The following DIAPH3 variants were observed in gnomAD, a reference collection of about 807,000 sequenced individuals.
DIAPH3 encodes protein diaphanous homolog 3.
Under a neutral mutation model 144.3 loss-of-function variants are expected in DIAPH3, and 117 were observed. That is an observed-to-expected ratio of 0.81 (90% CI 0.70 to 0.95). The LOEUF is 0.95. Among genes scored for constraint, DIAPH3 ranks in the 40% least tolerant of loss-of-function variants. The pLI is 0.00. For synonymous variants in DIAPH3, 519 were observed against 488.9 expected, an observed-to-expected ratio of 1.06 and a Z score of -0.81; for missense variants, 1,421 against 1,412.7, an observed-to-expected ratio of 1.01 and a Z score of -0.09.
chr13:59,867,223 G>T (rs1233675462), intron 21 of DIAPH3, among the ~76,000 whole-genome samples: 1 of 151,528 alleles, frequency 6.6e-6, no homozygotes, highest in Non-Finnish European at 1.5e-5. Flanking sequence ...GAGCCTGGGA[G>T]TTCAAGACTG....
chr13:60,088,552 C>T (rs778059077), intron 4 of DIAPH3, among the ~76,000 whole-genome samples: 7 of 152,126 alleles, frequency 4.6e-5, no homozygotes, highest in Admixed American at 2.0e-4. Flanking sequence ...CCCGGACAAA[C>T]CTGAAAGTAG....
intron 24 of DIAPH3, among the ~76,000 whole-genome samples, chr13:59,823,490 T>A (rs971772353): frequency 6.6e-6 from 1 of 152,216 alleles, no homozygotes; most frequent in South Asian, 2.1e-4. Context: ...ATAAGTCTTA[T>A]GTGAAAAGAC....
chr13:59,853,559 C>A (rs867739844), intron 22 of DIAPH3, among the ~76,000 whole-genome samples: 2 of 152,100 alleles, frequency 1.3e-5, no homozygotes, highest in Non-Finnish European at 2.9e-5. Context: ...GCTCCTTTGC[C>A]GTCTGCCATG....
intron 27 of DIAPH3, among the ~76,000 whole-genome samples, chr13:59,772,015 T>A (rs1348587610): frequency 6.6e-6 from 1 of 152,042 alleles, no homozygotes; most frequent in Non-Finnish European, 1.5e-5. Flanking sequence ...TATATACTTG[T>A]AGAAAATATA....
chr13:60,021,398 G>A (rs2054008510), intron 5 of DIAPH3, among the ~76,000 whole-genome samples: 1 of 152,218 alleles, frequency 6.6e-6, no homozygotes, highest in African/African-American at 2.4e-5. Context: ...GCTGAGGTGG[G>A]TGGATCACTT....
intron 27 of DIAPH3, among the ~76,000 whole-genome samples, chr13:59,771,056 A>G (rs2038091445): frequency 6.6e-6 from 1 of 152,162 alleles, no homozygotes; most frequent in Non-Finnish European, 1.5e-5. Context: ...CACTGAAGTT[A>G]GAATGCTTGA....
At chr13:59,988,953 T>C (rs2051616492) in intron 12 of DIAPH3, among the ~76,000 whole-genome samples, 1 of 151,866 alleles carries the variant, frequency 6.6e-6, no homozygotes, top group Non-Finnish European at 1.5e-5. Flanking sequence ...TCCATTTCTG[T>C]CAAACTTTCT....
At chr13:60,105,116 A>AAAAAAAAC (rs2058382891) in intron 3 of DIAPH3, among the ~76,000 whole-genome samples, 3 of 150,834 alleles carry the variant, frequency 2.0e-5, no homozygotes, top group Admixed American at 6.6e-5. Context: ...AAAAAAAAAA[A>AAAAAAAAC]AAAAAAAAAC....
At chr13:59,757,590 T>C (rs990308578) in intron 27 of DIAPH3, among the ~76,000 whole-genome samples, 5 of 151,812 alleles carry the variant, frequency 3.3e-5, no homozygotes, top group Admixed American at 6.6e-5. Context: ...TTAGTAGAGA[T>C]GGGGTTTCAC....
Position 60,044,960 on chromosome 13 carries a change from C to T in DIAPH3, c.496-2140G>A, listed in dbSNP as rs2055961220. ...TTGCCTGCTGCCATGTAAGATGTGA[C>T]TTTGCTCTTCCTTTGCCTTCTGCCA... On this transcript the variant is annotated intron_variant, in intron 4 of 27. Coordinates refer to ENST00000400324, the MANE Select transcript of DIAPH3 (RefSeq NM_001042517.2). Among the ~76,000 whole-genome samples the T allele has an allele frequency of 2.0e-5, 3 of 152,134 alleles. No homozygotes were observed. In the South Asian group the frequency reaches 6.2e-4, roughly 32 times the overall value.
chr13:59,776,022 A>G (rs1689365186), intron 25 of DIAPH3, among the ~76,000 whole-genome samples: 1 of 152,216 alleles, frequency 6.6e-6, no homozygotes, highest in Admixed American at 6.5e-5. Context: ...CCGTCCAGAC[A>G]AGGTAACTTG....
intron 24 of DIAPH3, among the ~76,000 whole-genome samples, chr13:59,829,306 G>A (rs989245650): frequency 2.0e-5 from 3 of 151,864 alleles, no homozygotes; most frequent in Non-Finnish European, 2.9e-5. Flanking sequence ...TTCTTCTATT[G>A]GGAGAGGGGT....
chr13:59,874,350 AAT>A (rs2044472846), intron 21 of DIAPH3, among the ~76,000 whole-genome samples: 1 of 152,242 alleles, frequency 6.6e-6, no homozygotes, highest in African/African-American at 2.4e-5. Context: ...AACATTAAAG[AAT>A]ATGAGAATTT....
At chr13:59,903,738 C>T (rs9570228) in intron 20 of DIAPH3, among the ~76,000 whole-genome samples, 8,930 of 152,096 alleles carry the variant, frequency 0.059, 415 homozygotes, top group East Asian at 0.28. Flanking sequence ...ATCAAAAATA[C>T]TCAAAATGAT....
intron 5 of DIAPH3, among the ~76,000 whole-genome samples, chr13:60,033,809 C>T (rs1320472208): frequency 6.6e-6 from 1 of 152,152 alleles, no homozygotes; most frequent in African/African-American, 2.4e-5. Context: ...GTACCTGTTC[C>T]TTTCAGACAT....
chr13:60,127,235 T>C (rs554064875), intron 2 of DIAPH3, among the ~76,000 whole-genome samples: 6 of 151,948 alleles, frequency 3.9e-5, no homozygotes, highest in Admixed American at 2.0e-4. Flanking sequence ...TTCAACAACA[T>C]AGATAAAATT....
At chr13:60,053,456 A>T (rs890817768) in intron 4 of DIAPH3, among the ~76,000 whole-genome samples, 1 of 152,138 alleles carries the variant, frequency 6.6e-6, no homozygotes, top group African/African-American at 2.4e-5. Context: ...ATAGAAAGAA[A>T]AGTACATAGA....
chr13:59,992,933 T>C (rs1265051705), intron 9 of DIAPH3, among the ~76,000 whole-genome samples: 1 of 150,390 alleles, frequency 6.6e-6, no homozygotes, highest in African/African-American at 2.4e-5. Flanking sequence ...AAATTGAACA[T>C]ATCCAATATA....
intron 27 of DIAPH3, among the ~76,000 whole-genome samples, chr13:59,745,064 T>C (rs2036636159): frequency 1.3e-5 from 2 of 152,216 alleles, no homozygotes. Flanking sequence ...CTATAGTTGC[T>C]TTCATGAGAA....
Sources: gnomAD v4.1 joint callset for allele counts (sites outside exome capture counted in the v4.1 genomes callset) on GRCh38, gnomAD v4.1.1 for gene constraint, MANE v1.5 for transcripts, NCBI Gene and HGNC (gene_info 2026-07-23, HGNC 2026-07-21) for gene names.